The following GRIP1 variants were observed in gnomAD, a reference collection of about 807,000 sequenced individuals.
GRIP1 encodes the protein glutamate receptor-interacting protein 1.
GRIP1 carries 45 observed loss-of-function variants against 129.9 expected under a neutral mutation model. The observed-to-expected ratio is 0.35, with a 90% CI of 0.27 to 0.44. The LOEUF (loss-of-function observed/expected upper bound fraction) is 0.44, where lower values mean the gene tolerates loss of function less well. Ranked by LOEUF, GRIP1 falls within the 20% of genes least tolerant of loss-of-function variation. The pLI, the probability that GRIP1 is intolerant of heterozygous loss-of-function variation, is 1.00. For synonymous variants in GRIP1, 530 were observed against 520.8 expected (o/e 1.02, Z -0.24); for missense variants, 1,196 against 1,396.8 (o/e 0.86, Z 2.29).
intron 1 of GRIP1, among the ~76,000 whole-genome samples, chr12:66,991,522 G>A (rs1463472785): frequency 6.6e-6 from 1 of 152,118 alleles, no homozygotes; most frequent in Non-Finnish European, 1.5e-5. Flanking sequence ...GTAAAATACA[G>A]AATAATCAAA....
chr12:66,565,657 T>G (rs2062727532), intron 2 of GRIP1, among the ~76,000 whole-genome samples: 1 of 152,154 alleles, frequency 6.6e-6, no homozygotes, highest in Non-Finnish European at 1.5e-5. Flanking sequence ...TCCAATTCTG[T>G]GAAGAAAGTC....
intron 1 of GRIP1, among the ~76,000 whole-genome samples, chr12:66,952,575 T>C (rs2041774906): frequency 6.6e-6 from 1 of 152,224 alleles, no homozygotes; most frequent in African/African-American, 2.4e-5. Context: ...TTCATTTTTC[T>C]CCTTATTGAT....
At chr12:66,387,350 G>T (rs1014285955) in intron 19 of GRIP1, among the ~76,000 whole-genome samples, 1 of 152,260 alleles carries the variant, frequency 6.6e-6, no homozygotes, top group Non-Finnish European at 1.5e-5. Context: ...TTTGTGAGCA[G>T]CCTGCTGTTG....
intron 15 of GRIP1, among the ~76,000 whole-genome samples, chr12:66,407,041 A>G (rs912887227): frequency 6.6e-6 from 1 of 152,342 alleles, no homozygotes; most frequent in Admixed American, 6.5e-5. Flanking sequence ...GAAACAACAA[A>G]AAAAATAATG....
intron 1 of GRIP1, among the ~76,000 whole-genome samples, chr12:66,704,342 T>A (rs2035455984): frequency 2.0e-5 from 3 of 151,930 alleles, no homozygotes; most frequent in Admixed American, 1.3e-4. Flanking sequence ...ATGTTAAAAA[T>A]TCAAATGTAA....
At chr12:66,748,624 G>A (rs1444010873) in intron 1 of GRIP1, among the ~76,000 whole-genome samples, 1 of 152,144 alleles carries the variant, frequency 6.6e-6, no homozygotes, top group African/African-American at 2.4e-5. Context: ...GATCTAGAGA[G>A]ACTTTAAGGT....
intron 1 of GRIP1, among the ~76,000 whole-genome samples, chr12:67,032,234 C>T (rs1565647933): frequency 6.6e-6 from 1 of 152,258 alleles, no homozygotes; most frequent in African/African-American, 2.4e-5. Context: ...GTAGAAGCTT[C>T]GCACATGAAC....
chr12:66,450,303 C>CAAAAA (rs143013040), intron 11 of GRIP1, among the ~76,000 whole-genome samples: 712 of 26,902 alleles, frequency 0.026, no homozygotes, highest in Non-Finnish European at 0.028. Flanking sequence ...GACTCCATCT[C>CAAAAA]AAAAAAAAAA....
chr12:66,746,223 C>G (rs2036940891), intron 1 of GRIP1, among the ~76,000 whole-genome samples: 1 of 152,100 alleles, frequency 6.6e-6, no homozygotes, highest in Non-Finnish European at 1.5e-5. Context: ...GAAGAGAAAT[C>G]AATCTCTATA....
intron 1 of GRIP1, among the ~76,000 whole-genome samples, chr12:66,924,018 T>C (rs1292888389): frequency 6.6e-6 from 1 of 152,062 alleles, no homozygotes; most frequent in Non-Finnish European, 1.5e-5. Context: ...CTGATTTTTA[T>C]ATTTTTAGTA....
At chr12:66,665,394 A>C (rs899644851) in intron 1 of GRIP1, among the ~76,000 whole-genome samples, 3 of 152,208 alleles carry the variant, frequency 2.0e-5, no homozygotes, top group African/African-American at 7.2e-5. Flanking sequence ...TCAGAAAGTG[A>C]ACATACCTAT....
intron 4 of GRIP1, among the ~76,000 whole-genome samples, chr12:66,531,907 T>C (rs1180486903): frequency 1.3e-5 from 2 of 152,180 alleles, no homozygotes; most frequent in Non-Finnish European, 2.9e-5. Context: ...CACATATTAT[T>C]TCATTTACTC....
At chr12:66,981,771 C>A (rs142512535) in intron 1 of GRIP1, among the ~76,000 whole-genome samples, 2 of 152,326 alleles carry the variant, frequency 1.3e-5, no homozygotes, top group Non-Finnish European at 2.9e-5. Context: ...GGTATTCCAA[C>A]AGCACAGTTG....
At chr12:66,584,320 G>A (rs2063526898) in intron 2 of GRIP1, among the ~76,000 whole-genome samples, 1 of 151,958 alleles carries the variant, frequency 6.6e-6, no homozygotes, top group South Asian at 2.1e-4. Flanking sequence ...TGACGAGTTA[G>A]TGGGTGCAGC....
At chr12:66,598,284 A>G (rs930080188) in intron 1 of GRIP1, among the ~76,000 whole-genome samples, 1 of 152,208 alleles carries the variant, frequency 6.6e-6, no homozygotes, top group African/African-American at 2.4e-5. Flanking sequence ...ACGCAATGAC[A>G]AAAGGAAAAG....
intron 1 of GRIP1, among the ~76,000 whole-genome samples, chr12:67,042,961 C>T (rs183288856): frequency 2.0e-5 from 3 of 152,304 alleles, no homozygotes; most frequent in Admixed American, 6.5e-5. Flanking sequence ...ATGGACTTGT[C>T]CACATGATAG....
Position 66,483,890 on chromosome 12 carries a change from C to T in GRIP1, c.725-18468G>A, listed in dbSNP as rs1044408761. On this transcript the variant is annotated intron_variant, in intron 7 of 24. Transcript: ENST00000359742. ...TTTTTTTTTTTTTGAGACGGAGTCT[C>T]GCTCTGTCGCCCAGGCTGGAGTGCA... 4.6e-5 allele frequency among the ~76,000 whole-genome samples: 7 copies of T among 151,378 alleles called. No individual in the cohort carries two copies. The South Asian group carries it at 1.3e-3, about 27-fold the overall frequency.
At chr12:66,448,267 C>T (rs987695556) in intron 11 of GRIP1, among the ~76,000 whole-genome samples, 1 of 151,958 alleles carries the variant, frequency 6.6e-6, no homozygotes, top group Admixed American at 6.6e-5. Context: ...TTTTTATTGC[C>T]CTCTGGGCTT....
At chr12:66,864,119 A>G (rs1193200048) in intron 1 of GRIP1, among the ~76,000 whole-genome samples, 1 of 152,016 alleles carries the variant, frequency 6.6e-6, no homozygotes, top group Non-Finnish European at 1.5e-5. Flanking sequence ...AGCACTTCAC[A>G]TGTGTGGATC....
Sources: allele counts gnomAD v4.1 joint callset (sites outside exome capture counted in the v4.1 genomes callset), GRCh38; gene constraint gnomAD v4.1.1; transcripts MANE v1.5; gene names NCBI Gene and HGNC (gene_info 2026-07-23, HGNC 2026-07-21).